The following KAZN variants were observed in gnomAD, a reference collection of about 807,000 sequenced individuals.
KAZN encodes kazrin, periplakin interacting protein, also known as kazrin.
Under a neutral mutation model 87.4 loss-of-function variants are expected in KAZN, and 40 were observed. That is an observed-to-expected ratio of 0.46 (90% CI 0.36 to 0.60). The LOEUF (loss-of-function observed/expected upper bound fraction) is 0.60. KAZN is among the 20% of genes least tolerant of loss of function. The pLI, the probability that KAZN is intolerant of heterozygous loss-of-function variation, is 0.00. For synonymous variants in KAZN, 466 were observed against 458.3 expected (o/e 1.02, Z -0.22); for missense variants, 898 against 1,073.9 (o/e 0.84, Z 2.29).
rs1553188709 is a variant in KAZN at position 14,557,619 on chromosome 1, G to GGGGT, written c.250-41363_250-41362insGGTG. On this transcript the variant is annotated intron_variant, in intron 2 of 16. Coordinates refer to the KAZN transcript ENST00000636203. Reference sequence around the variant, plus strand: ...TTCTCCAGAGAAACAAAACCAATAGGGTGTGTGTGGGTGTGTGTGTGTGTG... The same window carrying GGGGT: ...TTCTCCAGAGAAACAAAACCAATAGGGGGTGTGTGTGTGGGTGTGTGTGTGTGTG... 5.5e-4 allele frequency among the ~76,000 whole-genome samples: 52 copies of GGGGT among 94,086 alleles called. 1 individual carries two copies. The highest frequency in any genetic ancestry group is 5.4e-3 in the Admixed American group (43 of 7,972). 61.7% of individuals were successfully genotyped at this position (94,086 alleles called of 152,430 possible).
intron 1 of KAZN, among the ~76,000 whole-genome samples, chr1:14,915,020 A>G (rs1657651498): frequency 1.3e-5 from 2 of 152,020 alleles, no homozygotes; most frequent in South Asian, 4.2e-4. Context: ...AAACCCCATC[A>G]CTACTAAAAA....
chr1:14,721,231 G>T (rs1421249396), intron 1 of KAZN, among the ~76,000 whole-genome samples: 2 of 152,162 alleles, frequency 1.3e-5, no homozygotes, highest in South Asian at 2.1e-4. Flanking sequence ...AATCATGGGG[G>T]TGGTTACCTC....
At chr1:13,936,096 G>GTTTTTTTTT (rs70984301) in intron 1 of KAZN, among the ~76,000 whole-genome samples, 2,125 of 84,550 alleles carry the variant, frequency 0.025, 463 homozygotes, top group East Asian at 0.24. Flanking sequence ...TACAAGTGCA[G>GTTTTTTTTT]TTTTTTTTTT....
intron 5 of KAZN, among the ~76,000 whole-genome samples, chr1:15,057,881 C>T (rs1158444635): frequency 6.6e-6 from 1 of 152,220 alleles, no homozygotes; most frequent in Non-Finnish European, 1.5e-5. Flanking sequence ...TGGTCATCCT[C>T]GTCTGCCTCT....
intron 1 of KAZN, among the ~76,000 whole-genome samples, chr1:14,662,358 C>G (rs1036409100): frequency 3.3e-5 from 5 of 152,118 alleles, no homozygotes; most frequent in Non-Finnish European, 7.3e-5. Context: ...TTACTTGATA[C>G]TAAGCCCCAA....
chr1:14,317,318 C>T (rs1655717876), intron 2 of KAZN, among the ~76,000 whole-genome samples: 1 of 151,372 alleles, frequency 6.6e-6, no homozygotes, highest in Non-Finnish European at 1.5e-5. Flanking sequence ...AAGCCTATTT[C>T]ATTGATGTCA....
intron 2 of KAZN, among the ~76,000 whole-genome samples, chr1:14,517,477 C>T (rs944935662): frequency 6.6e-6 from 1 of 152,324 alleles, no homozygotes; most frequent in African/African-American, 2.4e-5. Context: ...TTCTAACTTA[C>T]TCAGTTTGAG....
chr1:14,137,101 G>T (rs1457016244), intron 1 of KAZN, among the ~76,000 whole-genome samples: 1 of 152,196 alleles, frequency 6.6e-6, no homozygotes, highest in Admixed American at 6.5e-5. Context: ...GGAAGGAAGG[G>T]CCGCTGCTGG....
intron 1 of KAZN, among the ~76,000 whole-genome samples, chr1:14,719,083 A>G (rs1269313636): frequency 6.6e-6 from 1 of 152,150 alleles, no homozygotes; most frequent in Non-Finnish European, 1.5e-5. Context: ...TCGCCATAGG[A>G]CCAACCCACA....
chr1:14,278,999 T>C (rs938481020), intron 2 of KAZN, among the ~76,000 whole-genome samples: 2 of 142,602 alleles, frequency 1.4e-5, no homozygotes, highest in Admixed American at 7.8e-5. Context: ...AGGAGGTAGA[T>C]AATGTCTGTT....
At chr1:14,218,349 G>A (rs184968942) in intron 2 of KAZN, among the ~76,000 whole-genome samples, 2 of 152,224 alleles carry the variant, frequency 1.3e-5, no homozygotes, top group Admixed American at 1.3e-4. Flanking sequence ...GAAAGAGAAA[G>A]CAACCCAATA....
intron 2 of KAZN, among the ~76,000 whole-genome samples, chr1:14,228,297 A>G (rs575211943): frequency 2.0e-5 from 3 of 152,340 alleles, no homozygotes; most frequent in Admixed American, 2.0e-4. Context: ...ACAACCTTAC[A>G]GCAAATATTA....
intron 2 of KAZN, among the ~76,000 whole-genome samples, chr1:14,464,162 A>C (rs983338506): frequency 1.3e-5 from 2 of 152,198 alleles, no homozygotes; most frequent in Non-Finnish European, 1.5e-5. Context: ...CCCTCCCTGG[A>C]CTACTGTTTT....
intron 1 of KAZN, among the ~76,000 whole-genome samples, chr1:14,673,856 G>A (rs1412121867): frequency 6.6e-6 from 1 of 152,188 alleles, no homozygotes; most frequent in Non-Finnish European, 1.5e-5. Flanking sequence ...AGAAGGTCCT[G>A]TGTGTCATCA....
chr1:14,424,888 G>T (rs758480624), intron 2 of KAZN, among the ~76,000 whole-genome samples: 15 of 152,112 alleles, frequency 9.9e-5, no homozygotes, highest in Non-Finnish European at 2.1e-4. Flanking sequence ...TCTCTGAGCT[G>T]GTAAATATAC....
chr1:14,467,332 T>TAAA (rs553802717), intron 2 of KAZN, among the ~76,000 whole-genome samples: 1 of 145,406 alleles, frequency 6.9e-6, no homozygotes, highest in African/African-American at 2.5e-5. Flanking sequence ...AAATATATTA[T>TAAA]AAAAAAAAAA....
At chr1:14,435,232 G>T (rs1011960987) in intron 2 of KAZN, among the ~76,000 whole-genome samples, 2 of 152,102 alleles carry the variant, frequency 1.3e-5, no homozygotes, top group African/African-American at 4.8e-5. Flanking sequence ...TCCATTCTAG[G>T]CTGTTTCAAC....
At chr1:14,415,278 T>C (rs879747714) in intron 2 of KAZN, among the ~76,000 whole-genome samples, 17 of 152,154 alleles carry the variant, frequency 1.1e-4, no homozygotes, top group Non-Finnish European at 1.8e-4. Context: ...GGCTGTAGTA[T>C]TAATCCGGAC....
intron 2 of KAZN, among the ~76,000 whole-genome samples, chr1:14,451,891 C>T (rs1258079668): frequency 6.6e-6 from 1 of 152,148 alleles, no homozygotes; most frequent in Non-Finnish European, 1.5e-5. Context: ...TCTGTTCAGG[C>T]ACTTGGCAGA....
Sources: gnomAD v4.1 joint callset for allele counts (sites outside exome capture counted in the v4.1 genomes callset) on GRCh38, gnomAD v4.1.1 for gene constraint, MANE v1.5 for transcripts, NCBI Gene and HGNC (gene_info 2026-07-23, HGNC 2026-07-21) for gene names.